VPS13B: variants seen among roughly 807,000 people sequenced by gnomAD.
VPS13B encodes intermembrane lipid transfer protein VPS13B.
In VPS13B, 285 loss-of-function variants were observed where a neutral mutation model predicts 426.4. The observed-to-expected ratio is 0.67, with a 90% CI of 0.61 to 0.74. The LOEUF (loss-of-function observed/expected upper bound fraction) is 0.74, where lower values mean the gene tolerates loss of function less well. VPS13B is among the 30% of genes least tolerant of loss of function. The probability of loss-of-function intolerance (pLI) is 0.00; values close to 1 mark genes in which losing one functional copy is unlikely to be tolerated. For missense variants in VPS13B, 4,537 were observed against 4,782.6 expected (o/e 0.95, Z 1.51); for synonymous variants, 1,676 against 1,676.4 (o/e 1.00, Z 0.01).
chr8:99,508,774 TTTAC>T (rs1484030171), intron 28 of VPS13B, among the ~76,000 whole-genome samples: 8 of 152,216 alleles, frequency 5.3e-5, no homozygotes, highest in African/African-American at 1.7e-4. Context: ...AAAAAGTTTC[TTTAC>T]TTAGTGTTTT....
chr8:99,317,205 T>C (rs1443633256), intron 19 of VPS13B, among the ~76,000 whole-genome samples: 1 of 152,236 alleles, frequency 6.6e-6, no homozygotes, highest in Admixed American at 6.5e-5. Flanking sequence ...TGCATGATTA[T>C]TTAGTGAGTG....
At chr8:99,432,759 A>G (rs1817180434) in intron 22 of VPS13B, among the ~76,000 whole-genome samples, 2 of 152,166 alleles carry the variant, frequency 1.3e-5, no homozygotes, top group Non-Finnish European at 2.9e-5. Context: ...GTAATATTGG[A>G]GAGTTTTTTC....
chr8:99,511,050 T>TAA, intron 28 of VPS13B, 54 bp from the exon 29 acceptor site: 2 of 1,597,294 alleles, frequency 1.3e-6, no homozygotes, highest in African/African-American at 1.3e-5. Flanking sequence ...TTCCAATTTT[T>TAA]AAAAAAAATC....
intron 44 of VPS13B, among the ~76,000 whole-genome samples, chr8:99,811,862 T>C (rs1813717203): frequency 6.6e-6 from 1 of 152,138 alleles, no homozygotes; most frequent in Non-Finnish European, 1.5e-5. Context: ...GTATGTAAAA[T>C]GCTTACAACG....
At position 99,345,195 on chromosome 8, in the gene VPS13B, G is replaced by T. The variant is rs866059625; in HGVS notation, c.2825-39013G>T. Among the ~76,000 whole-genome samples the T allele has an allele frequency of 2.2e-4, 34 of 152,078 alleles. 1 individual carries two copies. The highest frequency in any genetic ancestry group is 7.4e-5 in the Non-Finnish European group (5 of 68,008). On this transcript the variant is annotated intron_variant, in intron 19 of 61. Coordinates refer to ENST00000357162, the MANE Select transcript of VPS13B (RefSeq NM_152564.5). ...TACTATAGTATGCTAGGTATGCATT[G>T]CTCTGTTTCTGAGCTCTTTAGTCTG...
chr8:99,607,537 T>C (rs1453154757), intron 33 of VPS13B, among the ~76,000 whole-genome samples: 2 of 152,162 alleles, frequency 1.3e-5, no homozygotes, highest in Non-Finnish European at 2.9e-5. Context: ...AGATGGAAGC[T>C]CAAAAGTTAA....
In VPS13B at chr8:99,753,648, G is replaced by A. The variant is rs182584074; in HGVS notation, c.7051-13126G>A. The stretch of plus-strand genomic sequence containing the variant: ...TTGAAACCTGGTAGCTTGATAAATC[G>A]ATAAGATAACTGGGTCATATGTTAA... On this transcript the variant is annotated intron_variant, in intron 39 of 61. Transcript: ENST00000357162. Among the ~76,000 whole-genome samples, 4 of 152,198 alleles carry A rather than the reference G, an allele frequency of 2.6e-5. No individual in the cohort carries two copies. In the East Asian group the frequency reaches 5.8e-4, roughly 22 times the overall value.
intron 58 of VPS13B, among the ~76,000 whole-genome samples, chr8:99,863,436 T>C (rs1490019982): frequency 6.6e-6 from 1 of 152,076 alleles, no homozygotes; most frequent in African/African-American, 2.4e-5. Context: ...GAGACTTAAG[T>C]ACCACTACTC....
chr8:99,404,540 C>T (rs1588337596), intron 21 of VPS13B, among the ~76,000 whole-genome samples: 1 of 152,268 alleles, frequency 6.6e-6, no homozygotes, highest in East Asian at 1.9e-4. Flanking sequence ...GATGAAAAGT[C>T]TCATGCATTA....
chr8:99,753,541 G>T (rs1810498833), intron 39 of VPS13B, among the ~76,000 whole-genome samples: 1 of 152,146 alleles, frequency 6.6e-6, no homozygotes, highest in Non-Finnish European at 1.5e-5. Context: ...TTTTAACTCA[G>T]AAGTTCTGAG....
chr8:99,132,559 C>A lies in VPS13B; in HGVS notation c.1207-2073C>A, dbSNP rs535210086. 2.6e-5 allele frequency among the ~76,000 whole-genome samples: 4 copies of A among 152,138 alleles called. No individual in the cohort carries two copies. The East Asian group carries it at 5.8e-4, about 22-fold the overall frequency. ...TCTTAATGGAATCTGGAATAGTAAACCCTTTCAGGAAAGTTTTTGATTTAC... is the reference window on the plus strand; with the variant it reads ...TCTTAATGGAATCTGGAATAGTAAAACCTTTCAGGAAAGTTTTTGATTTAC... On this transcript the variant is annotated intron_variant, in intron 8 of 61. Coordinates refer to ENST00000357162, the MANE Select transcript of VPS13B (RefSeq NM_152564.5).
In VPS13B at chr8:99,748,538, G is replaced by A. The variant is rs145638729; in HGVS notation, c.7051-18236G>A. Reference sequence around the variant, plus strand: ...CTTATGGGAAATCAGGTATGTATAAGGTTAAGAGTGATTGGTGCTAAACTA... The same window carrying A: ...CTTATGGGAAATCAGGTATGTATAAAGTTAAGAGTGATTGGTGCTAAACTA... On this transcript the variant is annotated intron_variant, in intron 39 of 61. Coordinates refer to ENST00000357162, the MANE Select transcript of VPS13B (RefSeq NM_152564.5). 3.0e-3 allele frequency among the ~76,000 whole-genome samples: 462 copies of A among 152,102 alleles called. 3 individuals are homozygous for A. Among genetic ancestry groups the A allele is most frequent in the African/African-American group, 0.011 (440 of 41,536 alleles).
chr8:99,025,355 T>A (rs1442719402), intron 2 of VPS13B, among the ~76,000 whole-genome samples: 1 of 152,224 alleles, frequency 6.6e-6, no homozygotes, highest in Non-Finnish European at 1.5e-5. Flanking sequence ...GGGCATTTTG[T>A]CTTTTTCCAG....
intron 2 of VPS13B, among the ~76,000 whole-genome samples, chr8:99,023,120 C>G (rs899735697): frequency 6.6e-6 from 1 of 151,916 alleles, no homozygotes; most frequent in African/African-American, 2.4e-5. Context: ...TCCCAAGTAG[C>G]TAGGACCACA....
chr8:99,628,965 A>G (rs570891544), intron 33 of VPS13B, among the ~76,000 whole-genome samples: 10 of 152,136 alleles, frequency 6.6e-5, no homozygotes, highest in African/African-American at 2.2e-4. Context: ...GGATCATGCT[A>G]TGTTGTACAG....
chr8:99,483,201 C>T lies in VPS13B; in HGVS notation c.3870+1399C>T, dbSNP rs190596698. Reference sequence around the variant, plus strand: ...GAGTACATCTATTTAACCCCCTGTACAAGCAACTTTTCTATCTTGCCCATT... The same window carrying T: ...GAGTACATCTATTTAACCCCCTGTATAAGCAACTTTTCTATCTTGCCCATT... On this transcript the variant is annotated intron_variant, in intron 25 of 61. Coordinates refer to ENST00000357162, the MANE Select transcript of VPS13B (RefSeq NM_152564.5). 6.2e-4 allele frequency among the ~76,000 whole-genome samples: 94 copies of T among 152,232 alleles called. 1 individual carries two copies. Among genetic ancestry groups the T allele is most frequent in the Non-Finnish European group, 1.2e-3 (80 of 67,996 alleles).
intron 5 of VPS13B, 89 bp from the exon 6 acceptor site, chr8:99,111,009 A>C: frequency 1.0e-6 from 1 of 989,670 alleles, no homozygotes; most frequent in South Asian, 1.9e-5. Context: ...TGTTATTATT[A>C]ATTTTATTAC....
chr8:99,051,462 A>G (rs1381062261), intron 3 of VPS13B, among the ~76,000 whole-genome samples: 4 of 151,618 alleles, frequency 2.6e-5, no homozygotes, highest in East Asian at 3.9e-4. Context: ...GTCAGGTAGC[A>G]TGATGCCTCC....
At chr8:99,870,170 A>G (rs955247941) in intron 59 of VPS13B, among the ~76,000 whole-genome samples, 2 of 152,112 alleles carry the variant, frequency 1.3e-5, no homozygotes, top group African/African-American at 4.8e-5. Context: ...TTAACTAACA[A>G]TCTAGACTTT....
Sources: allele counts gnomAD v4.1 joint callset (sites outside exome capture counted in the v4.1 genomes callset), GRCh38; gene constraint gnomAD v4.1.1; transcripts MANE v1.5; gene names NCBI Gene and HGNC (gene_info 2026-07-23, HGNC 2026-07-21).